Variants in MGMT observed in about 807,000 individuals in gnomAD.
The protein encoded by MGMT is O-6-methylguanine-DNA methyltransferase.
In MGMT, 14 loss-of-function variants were observed where a neutral mutation model predicts 15.9. The ratio of observed to expected loss-of-function variants is 0.88; its 90% CI spans 0.58 to 1.37. The LOEUF is 1.37. Among genes scored for constraint, MGMT ranks in the 40% most tolerant of loss-of-function variants. The probability of loss-of-function intolerance (pLI) is 0.00; values close to 1 mark genes in which losing one functional copy is unlikely to be tolerated. For synonymous variants in MGMT, 130 were observed against 118.2 expected, an observed-to-expected ratio of 1.10 and a Z score of -0.65; for missense variants, 282 against 268.1, an observed-to-expected ratio of 1.05 and a Z score of -0.36.
At chr10:129,656,855 T>C (rs1366672755) in intron 2 of MGMT, among the ~76,000 whole-genome samples, 2 of 152,152 alleles carry the variant, frequency 1.3e-5, no homozygotes, top group South Asian at 2.1e-4. Context: ...CTTTCCCCTT[T>C]AGATTAGTAA....
At chr10:129,537,577 T>C (rs938528724) in intron 2 of MGMT, among the ~76,000 whole-genome samples, 5 of 151,974 alleles carry the variant, frequency 3.3e-5, no homozygotes, top group South Asian at 2.1e-4. Context: ...TTTTTTCTTT[T>C]GGGAAAAAGG....
chr10:129,615,753 G>A (rs1847017745), intron 2 of MGMT, among the ~76,000 whole-genome samples: 1 of 152,156 alleles, frequency 6.6e-6, no homozygotes, highest in Admixed American at 6.5e-5. Flanking sequence ...ATCCCTGTGA[G>A]AACATGGCCT....
rs1467822718 is a variant in MGMT, at chr10:129,657,703, A to ACACACACACG, written c.126-50189_126-50188insACACACGCAC. ...CACACACACACACACACACACACAC[A>ACACACACACG]CACGCACACACACACACACACACAC... On this transcript the variant is annotated intron_variant, in intron 2 of 4. Transcript: ENST00000651593. 4.1e-3 allele frequency among the ~76,000 whole-genome samples: 509 copies of ACACACACACG among 124,582 alleles called. 2 individuals are homozygous for ACACACACACG. The highest frequency in any genetic ancestry group is 0.03 in the Admixed American group (396 of 13,238). The allele number at this position is 124,582 out of a possible 152,430, so 81.7% of individuals were successfully genotyped here.
intron 1 of MGMT, among the ~76,000 whole-genome samples, chr10:129,477,432 C>G (rs1295336600): frequency 6.6e-6 from 1 of 152,284 alleles, no homozygotes; most frequent in East Asian, 1.9e-4. Flanking sequence ...CCAAGATTCA[C>G]AGGCTGAAGT....
At chr10:129,524,577 A>G (rs903795245) in intron 1 of MGMT, among the ~76,000 whole-genome samples, 40 of 147,794 alleles carry the variant, frequency 2.7e-4, no homozygotes, top group African/African-American at 9.8e-4. Flanking sequence ...AAGCTTCCAA[A>G]AAGACTTTTT....
At chr10:129,507,628 A>G (rs1845639298) in intron 1 of MGMT, among the ~76,000 whole-genome samples, 1 of 152,056 alleles carries the variant, frequency 6.6e-6, no homozygotes, top group South Asian at 2.1e-4. Flanking sequence ...GGGCCGGAGG[A>G]GATGGGGATT....
At chr10:129,567,265 A>G (rs568936856) in intron 2 of MGMT, among the ~76,000 whole-genome samples, 6 of 152,124 alleles carry the variant, frequency 3.9e-5, no homozygotes, top group African/African-American at 1.4e-4. Flanking sequence ...TCTCAGCTCT[A>G]AGGGGCATTG....
intron 1 of MGMT, among the ~76,000 whole-genome samples, chr10:129,495,993 G>T (rs546306310): frequency 6.6e-6 from 1 of 152,176 alleles, no homozygotes; most frequent in African/African-American, 2.4e-5. Context: ...AGGTCCCTGC[G>T]GCTGGGGACT....
chr10:129,617,870 C>T (rs540821764), intron 2 of MGMT, among the ~76,000 whole-genome samples: 6 of 150,946 alleles, frequency 4.0e-5, no homozygotes, highest in Admixed American at 3.9e-4. Context: ...AAGTGTGCTT[C>T]TTATGCAAGC....
chr10:129,553,910 T>C (rs1023817024), intron 2 of MGMT, among the ~76,000 whole-genome samples: 13 of 152,358 alleles, frequency 8.5e-5, no homozygotes, highest in African/African-American at 2.2e-4. Context: ...GTAGGCCTAC[T>C]GGCAGGCTCC....
chr10:129,543,341 T>C (rs1846065297), intron 2 of MGMT, among the ~76,000 whole-genome samples: 1 of 152,204 alleles, frequency 6.6e-6, no homozygotes, highest in African/African-American at 2.4e-5. Flanking sequence ...TGAGGTTTGC[T>C]GTGCTCCTCT....
At chr10:129,525,024 C>T (rs1845854094) in intron 1 of MGMT, among the ~76,000 whole-genome samples, 1 of 152,084 alleles carries the variant, frequency 6.6e-6, no homozygotes, top group Admixed American at 6.5e-5. Flanking sequence ...AAACATTGTT[C>T]CAAAGTGCTT....
intron 2 of MGMT, among the ~76,000 whole-genome samples, chr10:129,550,753 C>T (rs2119787969): frequency 1.3e-5 from 2 of 152,270 alleles, no homozygotes; most frequent in South Asian, 4.1e-4. Context: ...GCTTCATCTC[C>T]AGAACTTTTC....
At chr10:129,686,988 G>A (rs1272686935) in intron 2 of MGMT, among the ~76,000 whole-genome samples, 1 of 152,094 alleles carries the variant, frequency 6.6e-6, no homozygotes, top group Non-Finnish European at 1.5e-5. Flanking sequence ...CATCCTTGGT[G>A]GGCACAGCTG....
chr10:129,697,311 C>T (rs568493482), intron 2 of MGMT, among the ~76,000 whole-genome samples: 1 of 152,228 alleles, frequency 6.6e-6, no homozygotes, highest in Non-Finnish European at 1.5e-5. Flanking sequence ...AGCATGTGGG[C>T]GTGTGGACTT....
intron 2 of MGMT, among the ~76,000 whole-genome samples, chr10:129,637,654 G>A (rs529987630): frequency 6.6e-6 from 1 of 152,268 alleles, no homozygotes; most frequent in East Asian, 1.9e-4. Context: ...TGGAGATGGG[G>A]CCTTTAAGCA....
chr10:129,684,980 A>G (rs1196353051), intron 2 of MGMT, among the ~76,000 whole-genome samples: 1 of 152,212 alleles, frequency 6.6e-6, no homozygotes, highest in Non-Finnish European at 1.5e-5. Context: ...CTACAGTTCT[A>G]TGACAGGCCC....
At chr10:129,520,446 G>A (rs12573708) in intron 1 of MGMT, among the ~76,000 whole-genome samples, 33,525 of 117,064 alleles carry the variant, frequency 0.29, 4,282 homozygotes, top group Non-Finnish European at 0.33. Context: ...CCTATGGTGC[G>A]AGTACAGAGC....
chr10:129,524,321 C>A (rs1845845568), intron 1 of MGMT, among the ~76,000 whole-genome samples: 1 of 152,176 alleles, frequency 6.6e-6, no homozygotes, highest in Non-Finnish European at 1.5e-5. Context: ...TGTATTTTGC[C>A]ATTAAAATGT....
Sources: gnomAD v4.1 joint callset for allele counts (sites outside exome capture counted in the v4.1 genomes callset) on GRCh38, gnomAD v4.1.1 for gene constraint, MANE v1.5 for transcripts, NCBI Gene and HGNC (gene_info 2026-07-23, HGNC 2026-07-21) for gene names.